The following TTC28 variants were observed in gnomAD, a reference collection of about 807,000 sequenced individuals.
TTC28 encodes tetratricopeptide repeat domain 28, also known as tetratricopeptide repeat protein 28.
Under a neutral mutation model 198.0 loss-of-function variants are expected in TTC28, and 61 were observed. The ratio of observed to expected loss-of-function variants is 0.31; its 90% CI spans 0.25 to 0.38. TTC28 has a LOEUF of 0.38. TTC28 is among the 10% of genes least tolerant of loss of function. The probability of loss-of-function intolerance (pLI) is 1.00; values close to 1 mark genes in which losing one functional copy is unlikely to be tolerated. For synonymous variants in TTC28, 1,171 were observed against 1,297.8 expected (o/e 0.90, Z 2.10); for missense variants, 2,678 against 3,164.0 (o/e 0.85, Z 3.69).
At chr22:28,192,876 T>A (rs546723352) in intron 5 of TTC28, among the ~76,000 whole-genome samples, 4 of 152,292 alleles carry the variant, frequency 2.6e-5, no homozygotes, top group Admixed American at 2.0e-4. Context: ...TGCAGGATAT[T>A]TTCCAGGAGA....
Position 28,107,164 on chromosome 22 carries a change from T to C in TTC28, c.2681A>G (p.Glu894Gly), listed in dbSNP as rs776774359. The change falls in exon 7 of 23, where the codon GAG becomes GGG. Residue 894 changes from glutamate to glycine, a missense_variant. By Grantham distance (98) the Glu-to-Gly change is moderately conservative. This residue lies in a region of TTC28 where 775 missense variants were observed against 845.9 expected (regional missense o/e 0.92). Coordinates refer to ENST00000397906, the MANE Select transcript of TTC28 (RefSeq NM_001145418.2). ...TTGTTCATAGTATTTGATAGCTTCC[T>C]CATAGTCACCCAGGGCTTCGTAGCA... The part of the protein sequence containing the change: ...GDCYEALGDY[E>G]EAIKYYEQYL... 20 of 1,551,732 alleles carry C rather than the reference T, an allele frequency of 1.3e-5. No individual in the cohort carries two copies. Among genetic ancestry groups the C allele is most frequent in the Non-Finnish European group, 1.7e-5 (20 of 1,146,990 alleles).
At chr22:28,638,285 T>C (rs1055022448) in intron 1 of TTC28, among the ~76,000 whole-genome samples, 1 of 152,090 alleles carries the variant, frequency 6.6e-6, no homozygotes, top group African/African-American at 2.4e-5. Flanking sequence ...TCAAATGATA[T>C]ATAAAAAAAC....
At chr22:28,607,378 G>A (rs1414499667) in intron 2 of TTC28, among the ~76,000 whole-genome samples, 1 of 152,070 alleles carries the variant, frequency 6.6e-6, no homozygotes, top group Non-Finnish European at 1.5e-5. Context: ...CCCATAGTTA[G>A]AATATAAACT....
intron 6 of TTC28, 99 bp downstream of exon 6, chr22:28,162,993 A>T: frequency 7.3e-7 from 1 of 1,370,116 alleles, no homozygotes; most frequent in Non-Finnish European, 9.6e-7. Flanking sequence ...TATTCTTTTA[A>T]ATATAAACAC....
chr22:28,672,884 C>T (rs1316844244), intron 1 of TTC28, among the ~76,000 whole-genome samples: 2 of 152,184 alleles, frequency 1.3e-5, no homozygotes, highest in African/African-American at 4.8e-5. Flanking sequence ...ACGTGAAGAA[C>T]ATACCTTATT....
At chr22:28,545,443 G>C (rs932407175) in intron 2 of TTC28, among the ~76,000 whole-genome samples, 4 of 152,066 alleles carry the variant, frequency 2.6e-5, no homozygotes, top group Non-Finnish European at 5.9e-5. Context: ...GCCAGGCATA[G>C]TGGCATGCAC....
chr22:28,538,353 G>T (rs1351360391), intron 2 of TTC28, among the ~76,000 whole-genome samples: 7 of 151,924 alleles, frequency 4.6e-5, no homozygotes, highest in Admixed American at 4.6e-4. Flanking sequence ...CTCCCAAAGT[G>T]CTGGGATTAC....
At chr22:28,380,720 T>C (rs1445071342) in intron 2 of TTC28, among the ~76,000 whole-genome samples, 1 of 152,206 alleles carries the variant, frequency 6.6e-6, no homozygotes, top group Non-Finnish European at 1.5e-5. Context: ...CTGAAATTAC[T>C]ATTTGTTGAT....
chr22:28,542,950 T>C (rs2049448825), intron 2 of TTC28, among the ~76,000 whole-genome samples: 1 of 152,232 alleles, frequency 6.6e-6, no homozygotes. Flanking sequence ...TATTCATTCA[T>C]GCTAGTAATC....
chr22:28,055,959 G>T (rs921951150), intron 12 of TTC28, among the ~76,000 whole-genome samples: 4 of 151,960 alleles, frequency 2.6e-5, no homozygotes, highest in Admixed American at 2.6e-4. Context: ...TCATGTATAT[G>T]ATATCACCTT....
chr22:28,464,131 C>T (rs7292060), intron 2 of TTC28, among the ~76,000 whole-genome samples: 130 of 152,246 alleles, frequency 8.5e-4, no homozygotes, highest in African/African-American at 3.0e-3. Flanking sequence ...TTTCCATCAT[C>T]TTCCTTCACA....
At chr22:28,369,419 C>T (rs2046295909) in intron 2 of TTC28, among the ~76,000 whole-genome samples, 1 of 152,144 alleles carries the variant, frequency 6.6e-6, no homozygotes, top group Non-Finnish European at 1.5e-5. Context: ...GTGTCAACTA[C>T]AGAAATATTT....
rs2146491262 is a variant in TTC28, at chr22:27,982,266, G to C, written c.7401C>G (p.Tyr2467Ter). ...AAAATCTTCCTGGAGACAGGAACTTGTAGCCATTTCCAGAAGGAAGCCTCA... is the reference window on the plus strand; with the variant it reads ...AAAATCTTCCTGGAGACAGGAACTTCTAGCCATTTCCAGAAGGAAGCCTCA... Reference protein sequence around the residue: ...RPLRLPSGNGYKFLSPGRFFP... With the variant: ...RPLRLPSGNG The change falls in exon 23 of 23, where the codon TAC (tyrosine) becomes TAG (stop). Residue 2467 changes from tyrosine to a stop codon, truncating the protein, a stop_gained. Coordinates refer to ENST00000397906, the MANE Select transcript of TTC28 (RefSeq NM_001145418.2). LOFTEE classifies it high-confidence loss of function. The surrounding 1 kb of genome is among the most constrained non-coding windows in gnomAD (Gnocchi z 5.2). The C allele has an allele frequency of 6.8e-7, 1 of 1,475,690 alleles. No individual in the cohort carries two copies. Among genetic ancestry groups the C allele is most frequent in the Middle Eastern group, 1.8e-4 (1 of 5,578 alleles). 91.4% of individuals were successfully genotyped at this position (1,475,690 alleles called of 1,614,324 possible). A position where few individuals can be genotyped will look rare whatever the true frequency, so the allele number is the denominator to read the frequency against.
At chr22:28,580,119 G>A (rs1290381132) in intron 2 of TTC28, among the ~76,000 whole-genome samples, 1 of 151,844 alleles carries the variant, frequency 6.6e-6, no homozygotes, top group Non-Finnish European at 1.5e-5. Context: ...CATAAAGAAG[G>A]GGCACTCTAC....
intron 6 of TTC28, among the ~76,000 whole-genome samples, chr22:28,124,167 C>CTTT (rs545620234): frequency 6.8e-4 from 48 of 70,104 alleles, no homozygotes; most frequent in African/African-American, 2.4e-3. Context: ...ACTTATCTCT[C>CTTT]TTTGTTGTTG....
chr22:28,611,819 C>T (rs2050825135), intron 2 of TTC28, among the ~76,000 whole-genome samples: 1 of 151,834 alleles, frequency 6.6e-6, no homozygotes, highest in African/African-American at 2.4e-5. Context: ...TCATCCATGT[C>T]CCTACAAAGG....
At chr22:28,540,977 A>G (rs2049399231) in intron 2 of TTC28, among the ~76,000 whole-genome samples, 1 of 152,214 alleles carries the variant, frequency 6.6e-6, no homozygotes, top group Non-Finnish European at 1.5e-5. Context: ...GACTAGCTGA[A>G]AGGCAACAAG....
At position 28,002,840 on chromosome 22, in the gene TTC28, C is replaced by T. The variant is rs530203952; in HGVS notation, c.4219-1287G>A. On this transcript the variant is annotated intron_variant, in intron 14 of 22. Transcript: ENST00000397906. Reference sequence around the variant, plus strand: ...ATCTCTACTAAAAATCCAAAATAACCGGGTGTGGTGGCATGCACCTGTAGT... The same window carrying T: ...ATCTCTACTAAAAATCCAAAATAACTGGGTGTGGTGGCATGCACCTGTAGT... 6.6e-5 allele frequency among the ~76,000 whole-genome samples: 10 copies of T among 152,102 alleles called. No homozygotes were observed. In the East Asian group the frequency reaches 1.9e-3, roughly 29 times the overall value.
rs943722286 is a variant in TTC28 at position 28,069,237 on chromosome 22, G to A, written c.3932+24843C>T. Reference sequence around the variant, plus strand: ...TTTTTCAGAAGTCTTTTTTAAGGCCGACGTTTGTATTCTAGTTCCATCATT... The same window carrying A: ...TTTTTCAGAAGTCTTTTTTAAGGCCAACGTTTGTATTCTAGTTCCATCATT... On this transcript the variant is annotated intron_variant, in intron 12 of 22. Transcript: ENST00000397906. Among the ~76,000 whole-genome samples the A allele has an allele frequency of 4.6e-5, 7 of 152,108 alleles. No homozygotes were observed. The East Asian group carries it at 9.6e-4, about 21-fold the overall frequency.
Sources: allele counts gnomAD v4.1 joint callset (sites outside exome capture counted in the v4.1 genomes callset), GRCh38; gene constraint gnomAD v4.1.1; regional missense constraint gnomAD v4.1.1; non-coding constraint Gnocchi (gnomAD v3.1); transcripts MANE v1.5; gene names NCBI Gene and HGNC (gene_info 2026-07-23, HGNC 2026-07-21).